The following PHKB variants were observed in gnomAD, a reference collection of about 807,000 sequenced individuals.
The protein encoded by PHKB is phosphorylase kinase regulatory subunit beta, also known as phosphorylase b kinase regulatory subunit beta.
A neutral mutation model predicts 152.1 loss-of-function variants in PHKB; 122 were observed. That is an observed-to-expected ratio of 0.80 (90% confidence interval 0.69 to 0.93). PHKB has a LOEUF of 0.93. PHKB is among the 40% of genes least tolerant of loss of function. The pLI, the probability that PHKB is intolerant of heterozygous loss-of-function variation, is 0.00. For synonymous variants in PHKB, 436 were observed against 464.9 expected (o/e 0.94, Z 0.80); for missense variants, 1,304 against 1,328.4 (o/e 0.98, Z 0.29).
At chr16:47,664,849 A>G (rs370496257) in intron 24 of PHKB, 36 bp from the exon 25 acceptor site, 7 of 1,367,302 alleles carry the variant, frequency 5.1e-6, no homozygotes, top group Admixed American at 3.4e-5. Flanking sequence ...TATTTACTCT[A>G]TTTTCCCTTT....
At chr16:47,533,547 G>C (rs1263356097) in intron 6 of PHKB, among the ~76,000 whole-genome samples, 3 of 152,212 alleles carry the variant, frequency 2.0e-5, no homozygotes, top group Admixed American at 2.0e-4. Context: ...AGAGTCTGGA[G>C]GGGGCCGAGG....
rs79963630 is a variant in PHKB at position 47,670,325 on chromosome 16, G to A, written c.2630+908G>A. Among the ~76,000 whole-genome samples the A allele has an allele frequency of 1.9e-3, 287 of 152,282 alleles. 8 individuals are homozygous for A. In the East Asian group the frequency reaches 0.047, roughly 25 times the overall value. On this transcript the variant is annotated intron_variant, in intron 26 of 30. Coordinates refer to ENST00000323584, the MANE Select transcript of PHKB (RefSeq NM_000293.3). The stretch of plus-strand genomic sequence containing the variant: ...GGTGCAAACATACATGTATGTGTAT[G>A]AGTGTGAAATAAGTATATGTAGCTT...
chr16:47,462,045 G>C (rs1969573007), intron 1 of PHKB: 1 of 152,574 alleles, frequency 6.6e-6, no homozygotes, highest in Non-Finnish European at 1.5e-5. Flanking sequence ...AAACCCGAAA[G>C]CATAGAGGTC....
At chr16:47,651,454 C>T (rs2151731977) in intron 20 of PHKB, among the ~76,000 whole-genome samples, 1 of 152,228 alleles carries the variant, frequency 6.6e-6, no homozygotes, top group Admixed American at 6.5e-5. Flanking sequence ...GGGTTCTGTC[C>T]CTCTGCTCAC....
chr16:47,495,442 T>C (rs1315292489), intron 1 of PHKB, among the ~76,000 whole-genome samples: 1 of 152,180 alleles, frequency 6.6e-6, no homozygotes, highest in Non-Finnish European at 1.5e-5. Flanking sequence ...TGGTGATTTA[T>C]GTTTTGTATG....
chr16:47,539,716 C>G (rs951626339), intron 6 of PHKB, among the ~76,000 whole-genome samples: 1 of 152,132 alleles, frequency 6.6e-6, no homozygotes, highest in Non-Finnish European at 1.5e-5. Context: ...GGCAGAGGAA[C>G]ATAAATTGTG....
At chr16:47,488,006 T>C (rs1970078484) in intron 1 of PHKB, among the ~76,000 whole-genome samples, 2 of 152,204 alleles carry the variant, frequency 1.3e-5, no homozygotes, top group Admixed American at 1.3e-4. Context: ...TTGAGACATC[T>C]CTGAACTGTT....
chr16:47,694,150 G>C (rs919112002), intron 28 of PHKB, among the ~76,000 whole-genome samples: 12 of 152,208 alleles, frequency 7.9e-5, no homozygotes, highest in African/African-American at 2.9e-4. Context: ...TTCACTCCAG[G>C]TGTACCTTAC....
At chr16:47,699,125 A>G in intron 30 of PHKB, 104 bp from the exon 31 acceptor site, 1 of 1,056,224 alleles carries the variant, frequency 9.5e-7, no homozygotes, top group Non-Finnish European at 1.5e-6. Context: ...CCATAAGGAA[A>G]TCTTTATGTG....
At chr16:47,636,688 G>A (rs1972927041) in intron 14 of PHKB, among the ~76,000 whole-genome samples, 2 of 152,256 alleles carry the variant, frequency 1.3e-5, no homozygotes, top group South Asian at 2.1e-4. Context: ...TTTGAGCGCC[G>A]ATGAGCACAG....
intron 4 of PHKB, among the ~76,000 whole-genome samples, chr16:47,507,832 T>G (rs1203436237): frequency 2.6e-5 from 4 of 152,198 alleles, no homozygotes; most frequent in African/African-American, 7.2e-5. Flanking sequence ...TCAAAGCCTC[T>G]CACCATACCT....
In PHKB at chr16:47,502,987, C is replaced by T. The variant is rs1970347800; in HGVS notation, c.306-4C>T. Reference sequence around the variant, plus strand: ...TAGTTTCATGAGTTATCTCTCTCACCCAGGCGAATTGATGATGACAAGGGA... The same window carrying T: ...TAGTTTCATGAGTTATCTCTCTCACTCAGGCGAATTGATGATGACAAGGGA... On this transcript the variant is annotated splice_polypyrimidine_tract_variant and splice_region_variant and intron_variant, in intron 3 of 30. Coordinates refer to ENST00000323584, the MANE Select transcript of PHKB (RefSeq NM_000293.3). The T allele has an allele frequency of 6.3e-7, 1 of 1,599,400 alleles. No homozygotes were observed. Among genetic ancestry groups the T allele is most frequent in the Admixed American group, 1.7e-5 (1 of 59,958 alleles).
chr16:47,596,136 A>G (rs1286799461), intron 12 of PHKB, among the ~76,000 whole-genome samples: 1 of 148,096 alleles, frequency 6.8e-6, no homozygotes, highest in African/African-American at 2.6e-5. Flanking sequence ...GTCTCAGGAG[A>G]TCTGATGGTT....
chr16:47,570,012 C>G (rs1343791635), intron 7 of PHKB, among the ~76,000 whole-genome samples: 1 of 152,200 alleles, frequency 6.6e-6, no homozygotes, highest in Non-Finnish European at 1.5e-5. Flanking sequence ...ATTTGCTTTT[C>G]TTTGAAAGTC....
At chr16:47,558,258 G>A (rs1971415151) in intron 7 of PHKB, among the ~76,000 whole-genome samples, 1 of 150,090 alleles carries the variant, frequency 6.7e-6, no homozygotes, top group Non-Finnish European at 1.5e-5. Flanking sequence ...GGGAGGGATA[G>A]CATTAGGAGA....
intron 6 of PHKB, among the ~76,000 whole-genome samples, chr16:47,521,987 T>G (rs1437166447): frequency 1.3e-5 from 2 of 152,216 alleles, no homozygotes; most frequent in Non-Finnish European, 2.9e-5. Context: ...ATTTTTACAT[T>G]AATAGTCATA....
intron 6 of PHKB, 126 bp downstream of exon 6, chr16:47,515,727 T>A: frequency 1.5e-6 from 1 of 663,532 alleles, no homozygotes; most frequent in South Asian, 1.7e-5. Context: ...TATAATCAGA[T>A]AGTAGATGTT....
chr16:47,532,873 G>C (rs542079188), intron 6 of PHKB, among the ~76,000 whole-genome samples: 1 of 152,270 alleles, frequency 6.6e-6, no homozygotes, highest in Non-Finnish European at 1.5e-5. Flanking sequence ...TTCTTGTCCT[G>C]TGATTGGGAA....
At chr16:47,600,126 C>T (rs1338874664) in intron 13 of PHKB, among the ~76,000 whole-genome samples, 1 of 152,048 alleles carries the variant, frequency 6.6e-6, no homozygotes, top group African/African-American at 2.4e-5. Flanking sequence ...TCAGTGAAGT[C>T]TAATAATATT....
Sources: allele counts gnomAD v4.1 joint callset (sites outside exome capture counted in the v4.1 genomes callset), GRCh38; gene constraint gnomAD v4.1.1; transcripts MANE v1.5; gene names NCBI Gene and HGNC (gene_info 2026-07-23, HGNC 2026-07-21).